PAK3: variants seen among roughly 807,000 people sequenced by gnomAD.
The protein encoded by PAK3 is serine/threonine-protein kinase PAK 3.
Under a neutral mutation model 41.0 loss-of-function variants are expected in PAK3, and 4 were observed. The ratio of observed to expected loss-of-function variants is 0.10; its 90% CI spans 0.05 to 0.22. The LOEUF (loss-of-function observed/expected upper bound fraction) is 0.22. PAK3 is among the 10% of genes least tolerant of loss of function. The probability of loss-of-function intolerance (pLI) is 1.00; values close to 1 mark genes in which losing one functional copy is unlikely to be tolerated. For missense variants in PAK3, 205 were observed against 409.9 expected, an observed-to-expected ratio of 0.50 and a Z score of 4.32; for synonymous variants, 146 against 139.6, an observed-to-expected ratio of 1.05 and a Z score of -0.32.
At chrX:111,169,876 T>G (rs1484195210) in intron 10 of PAK3, among the ~76,000 whole-genome samples, 2 of 111,574 alleles carry the variant, frequency 1.8e-5, no homozygotes, top group Non-Finnish European at 3.8e-5. Context: ...GAGAAGAGAA[T>G]GAAGCAGGAG....
intron 4 of PAK3, among the ~76,000 whole-genome samples, chrX:111,113,647 C>A (rs1410841170): frequency 9.0e-6 from 1 of 111,305 alleles, no homozygotes; most frequent in East Asian, 2.8e-4. Context: ...ACTTTAAGTT[C>A]TAGGGTACAT....
intron 16 of PAK3, among the ~76,000 whole-genome samples, chrX:111,214,308 G>A (rs989000936): frequency 2.7e-5 from 3 of 111,455 alleles, no homozygotes; most frequent in Non-Finnish European, 5.7e-5. Flanking sequence ...TCTCATTGTT[G>A]GTTGTAAATT....
intron 1 of PAK3, among the ~76,000 whole-genome samples, chrX:111,015,264 G>A (rs1453105933): frequency 9.1e-6 from 1 of 110,393 alleles, no homozygotes; most frequent in Admixed American, 9.6e-5. Flanking sequence ...CCATGTTGTA[G>A]CATGTGACAG....
At chrX:111,204,878 GTTT>G (rs1163687252) in intron 16 of PAK3, among the ~76,000 whole-genome samples, 1 of 37,671 alleles carries the variant, frequency 2.7e-5, no homozygotes, top group African/African-American at 1.0e-4. Flanking sequence ...CCTTTGCTTT[GTTT>G]TTTTTTTTTT....
At chrX:111,127,838 A>G (rs780884384) in intron 5 of PAK3, among the ~76,000 whole-genome samples, 2 of 111,593 alleles carry the variant, frequency 1.8e-5, no homozygotes, top group South Asian at 7.5e-4. Flanking sequence ...TTACTTTCTT[A>G]TCTACTTTGA....
chrX:111,088,364 C>T (rs920497956), intron 1 of PAK3, among the ~76,000 whole-genome samples: 2 of 111,847 alleles, frequency 1.8e-5, no homozygotes, highest in African/African-American at 3.3e-5. Flanking sequence ...TGAAGGCCAG[C>T]GGTTTAATTA....
chrX:111,122,613 A>C lies in PAK3; in HGVS notation c.-27-464A>C, dbSNP rs985403681. On this transcript the variant is annotated intron_variant, in intron 4 of 17. Coordinates refer to ENST00000372007, the MANE Select transcript of PAK3 (RefSeq NM_002578.5). ...CACATGTAAGAAATAAACACCAAGG[A>C]CATCTCGATGTTAAAGCAGCTAACA... is the stretch of plus-strand genomic sequence containing the variant. 3.6e-5 allele frequency among the ~76,000 whole-genome samples: 4 copies of C among 111,605 alleles called. No individual in the cohort carries two copies. The Admixed American group carries it at 3.8e-4, about 11-fold the overall frequency.
At chrX:111,140,699 C>G (rs1257329242) in intron 5 of PAK3, among the ~76,000 whole-genome samples, 2 of 111,225 alleles carry the variant, frequency 1.8e-5, no homozygotes, top group Non-Finnish European at 3.8e-5. Flanking sequence ...AGACAAAGGC[C>G]TTGGGTGACT....
chrX:111,129,734 A>G (rs1181953385), intron 5 of PAK3, among the ~76,000 whole-genome samples: 3 of 111,646 alleles, frequency 2.7e-5, no homozygotes, highest in Admixed American at 1.9e-4. Flanking sequence ...AAGAAGCCAC[A>G]GGGAGAAATA....
chrX:110,945,547 C>T (rs1569494571), intron 1 of PAK3, among the ~76,000 whole-genome samples: 2 of 111,834 alleles, frequency 1.8e-5, no homozygotes, highest in African/African-American at 6.5e-5. Context: ...CAATGAGGAT[C>T]CAAAGCTCTT....
chrX:111,006,579 A>G (rs1244272594), intron 1 of PAK3, among the ~76,000 whole-genome samples: 1 of 111,972 alleles, frequency 8.9e-6, no homozygotes, highest in East Asian at 2.8e-4. Context: ...AATAAAAAAT[A>G]AAACAGATCC....
At chrX:110,946,070 G>C (rs1358899455) in intron 1 of PAK3, among the ~76,000 whole-genome samples, 2 of 111,603 alleles carry the variant, frequency 1.8e-5, no homozygotes, top group Non-Finnish European at 3.8e-5. Flanking sequence ...AGTATGACAA[G>C]GGGCAGGCAG....
In PAK3 at chrX:111,225,253, A is replaced by G. The variant is rs990058962; in HGVS notation, c.*4806A>G. 2 of 112,216 alleles carry G rather than the reference A, an allele frequency of 1.8e-5. No individual in the cohort carries two copies. The highest frequency in any genetic ancestry group is 2.8e-4 in the East Asian group (1 of 3,579). 9.2% of individuals were successfully genotyped at this position (112,216 alleles called of 1,213,427 possible). On this transcript the variant is annotated 3_prime_UTR_variant, in exon 18 of 18. Coordinates refer to ENST00000372007, the MANE Select transcript of PAK3 (RefSeq NM_002578.5). ...TTTCTGATCCACACTCCTTTAAGTG[A>G]CCAAATGAATATAACCCAACATGCA... is the stretch of plus-strand genomic sequence containing the variant.
intron 11 of PAK3, among the ~76,000 whole-genome samples, chrX:111,178,167 T>TATTATTTTA (rs1423953424): frequency 6.3e-5 from 7 of 110,944 alleles, no homozygotes; most frequent in Admixed American, 9.6e-5. Context: ...ATAATGTACC[T>TATTATTTTA]TTCCTCTATA....
At chrX:111,191,313 G>T (rs760137112) in intron 11 of PAK3, among the ~76,000 whole-genome samples, 1 of 110,804 alleles carries the variant, frequency 9.0e-6, no homozygotes, top group South Asian at 3.9e-4. Flanking sequence ...TGCCCAGGCT[G>T]GTCTCAAACT....
chrX:111,013,371 C>G (rs898988696), intron 1 of PAK3, among the ~76,000 whole-genome samples: 1 of 111,507 alleles, frequency 9.0e-6, no homozygotes, highest in African/African-American at 3.3e-5. Flanking sequence ...ATTTGTCTCA[C>G]TTGGGGAAGA....
intron 4 of PAK3, among the ~76,000 whole-genome samples, chrX:111,110,344 A>C (rs559898730): frequency 8.9e-6 from 1 of 111,747 alleles, no homozygotes; most frequent in East Asian, 2.8e-4. Flanking sequence ...TGGCAGTACT[A>C]GGCTTAGAAA....
chrX:111,186,075 T>G (rs1467528344), intron 11 of PAK3, among the ~76,000 whole-genome samples: 1 of 111,200 alleles, frequency 9.0e-6, no homozygotes, highest in East Asian at 2.8e-4. Flanking sequence ...GAAAAGGCCT[T>G]CAGTAAAATT....
chrX:111,033,707 A>C (rs1414635678), intron 1 of PAK3, among the ~76,000 whole-genome samples: 1 of 110,962 alleles, frequency 9.0e-6, no homozygotes. Flanking sequence ...AGTGATTCCT[A>C]TTTGACTAAT....
Sources: allele counts gnomAD v4.1 joint callset (sites outside exome capture counted in the v4.1 genomes callset), GRCh38; gene constraint gnomAD v4.1.1; transcripts MANE v1.5; gene names NCBI Gene and HGNC (gene_info 2026-07-23, HGNC 2026-07-21).